PACRG: variants seen among roughly 807,000 people sequenced by gnomAD.
PACRG encodes the protein parkin coregulated.
Under a neutral mutation model 29.7 loss-of-function variants are expected in PACRG, and 29 were observed. The ratio of observed to expected loss-of-function variants is 0.98; its 90% CI spans 0.73 to 1.33. PACRG has a LOEUF of 1.33. PACRG is among the 40% of genes most tolerant of loss of function. PACRG has a pLI of 0.00. For synonymous variants in PACRG, 116 were observed against 118.7 expected, an observed-to-expected ratio of 0.98 and a Z score of 0.15; for missense variants, 279 against 316.2, an observed-to-expected ratio of 0.88 and a Z score of 0.89.
At chr6:163,115,400 A>G (rs147350598) in intron 4 of PACRG, among the ~76,000 whole-genome samples, 5 of 152,260 alleles carry the variant, frequency 3.3e-5, no homozygotes, top group Admixed American at 6.5e-5. Context: ...AAAGCTTGAT[A>G]TGCTGTGTGG....
chr6:163,016,524 T>C (rs1485139409), intron 2 of PACRG, among the ~76,000 whole-genome samples: 1 of 152,162 alleles, frequency 6.6e-6, no homozygotes, highest in Non-Finnish European at 1.5e-5. Context: ...GAACTGCAAG[T>C]ATTTTTGTAA....
At chr6:163,299,395 A>C (rs1585410967) in intron 4 of PACRG, among the ~76,000 whole-genome samples, 1 of 152,316 alleles carries the variant, frequency 6.6e-6, no homozygotes, top group Non-Finnish European at 1.5e-5. Flanking sequence ...TAGACGTGTC[A>C]GGAACCATCA....
chr6:162,793,861 G>T (rs1317541594), intron 1 of PACRG, among the ~76,000 whole-genome samples: 1 of 152,130 alleles, frequency 6.6e-6, no homozygotes, highest in Non-Finnish European at 1.5e-5. Context: ...TCTGAGGAGG[G>T]AAAGGATCAG....
rs572385015 is a variant in PACRG at position 162,804,713 on chromosome 6, C to T, written c.157-9434C>T. ...TGTTAGACCTTGACTGAAAACCCTTCGGGAAGTTGATGGCTCAAATCACTT... is the reference window on the plus strand; with the variant it reads ...TGTTAGACCTTGACTGAAAACCCTTTGGGAAGTTGATGGCTCAAATCACTT... On this transcript the variant is annotated intron_variant, in intron 1 of 4. Coordinates refer to ENST00000366888, the MANE Select transcript of PACRG (RefSeq NM_001080379.2). Among the ~76,000 whole-genome samples the T allele has an allele frequency of 9.9e-5, 15 of 152,190 alleles. No individual in the cohort carries two copies. The East Asian group carries it at 2.3e-3, about 24-fold the overall frequency.
At chr6:163,192,653 CT>C (rs60416074) in intron 4 of PACRG, among the ~76,000 whole-genome samples, 47,532 of 152,036 alleles carry the variant, frequency 0.31, 7,813 homozygotes, top group East Asian at 0.58. Context: ...ATTTTAAATA[CT>C]TTTTTTTATC....
intron 2 of PACRG, among the ~76,000 whole-genome samples, chr6:163,003,189 T>C (rs1804741297): frequency 6.6e-6 from 1 of 152,216 alleles, no homozygotes; most frequent in Non-Finnish European, 1.5e-5. Context: ...AGGTGAATAC[T>C]TCTATGGCCC....
At chr6:162,756,436 A>G (rs1050660514) in intron 1 of PACRG, among the ~76,000 whole-genome samples, 1 of 152,012 alleles carries the variant, frequency 6.6e-6, no homozygotes, top group Non-Finnish European at 1.5e-5. Flanking sequence ...CTTAACGTCT[A>G]CTTTGTGTGT....
chr6:163,163,501 ACCTCAGGTGACGCG>A lies in PACRG; in HGVS notation c.613+74097_613+74110del, dbSNP rs368415597. ...TGGCCAGGCTGGTCTCAAACTCCGGACCTCAGGTGACGCGCCTGCCTCGGCCTCACAAAGTGCTG... is the reference window on the plus strand; with the variant it reads ...TGGCCAGGCTGGTCTCAAACTCCGGACCTGCCTCGGCCTCACAAAGTGCTG... On this transcript the variant is annotated intron_variant, in intron 4 of 4. Coordinates refer to ENST00000366888, the MANE Select transcript of PACRG (RefSeq NM_001080379.2). 4.2e-3 allele frequency among the ~76,000 whole-genome samples: 633 copies of A among 152,174 alleles called. 12 individuals carry two copies. Among genetic ancestry groups the A allele is most frequent in the East Asian group, 0.04 (206 of 5,162 alleles).
intron 1 of PACRG, among the ~76,000 whole-genome samples, chr6:162,782,107 C>T (rs183537752): frequency 5.9e-5 from 9 of 151,728 alleles, no homozygotes; most frequent in Non-Finnish European, 8.9e-5. Flanking sequence ...AAGACAACTG[C>T]GATAGCTAAT....
intron 4 of PACRG, among the ~76,000 whole-genome samples, chr6:163,298,342 C>A (rs1411568870): frequency 2.0e-5 from 3 of 151,860 alleles, no homozygotes; most frequent in African/African-American, 7.3e-5. Context: ...CTAAAGCAAC[C>A]TTAGAGTAGC....
chr6:162,888,914 A>G (rs571753521), intron 2 of PACRG, among the ~76,000 whole-genome samples: 7 of 152,326 alleles, frequency 4.6e-5, no homozygotes, highest in Admixed American at 4.6e-4. Context: ...ATTCACAAGG[A>G]AAGAGAGCAT....
At chr6:162,921,418 C>T (rs1797055174) in intron 2 of PACRG, among the ~76,000 whole-genome samples, 1 of 152,164 alleles carries the variant, frequency 6.6e-6, no homozygotes, top group South Asian at 2.1e-4. Flanking sequence ...TTGGTTTCCT[C>T]CGGAGGCTGT....
At chr6:163,281,618 C>G (rs961309891) in intron 4 of PACRG, among the ~76,000 whole-genome samples, 4 of 151,990 alleles carry the variant, frequency 2.6e-5, no homozygotes, top group African/African-American at 7.2e-5. Context: ...AAATCTATAG[C>G]AAGATCTCTA....
At chr6:163,191,409 T>C (rs1585317873) in intron 4 of PACRG, among the ~76,000 whole-genome samples, 1 of 152,160 alleles carries the variant, frequency 6.6e-6, no homozygotes, top group Non-Finnish European at 1.5e-5. Context: ...TTATGGCGAG[T>C]GGCCCCCCAA....
At chr6:163,031,629 A>G (rs1807672884) in intron 2 of PACRG, among the ~76,000 whole-genome samples, 1 of 152,232 alleles carries the variant, frequency 6.6e-6, no homozygotes, top group Non-Finnish European at 1.5e-5. Context: ...AAAGTACAAC[A>G]AGGAAAATTA....
chr6:163,140,943 G>A (rs890210993), intron 4 of PACRG, among the ~76,000 whole-genome samples: 5 of 152,172 alleles, frequency 3.3e-5, no homozygotes, highest in Non-Finnish European at 5.9e-5. Flanking sequence ...TGGGAGAGAC[G>A]AATGAGCTGA....
chr6:162,830,816 C>G (rs1788702441), intron 2 of PACRG, among the ~76,000 whole-genome samples: 1 of 152,206 alleles, frequency 6.6e-6, no homozygotes, highest in Non-Finnish European at 1.5e-5. Context: ...GGAGAGAGGA[C>G]TGAGACATCC....
chr6:162,878,051 G>A (rs1279598845), intron 2 of PACRG, among the ~76,000 whole-genome samples: 1 of 152,146 alleles, frequency 6.6e-6, no homozygotes, highest in African/African-American at 2.4e-5. Context: ...GAATATACCT[G>A]TGAATTATAA....
intron 4 of PACRG, among the ~76,000 whole-genome samples, chr6:163,261,296 C>A (rs1783315180): frequency 6.6e-6 from 1 of 152,060 alleles, no homozygotes; most frequent in South Asian, 2.1e-4. Context: ...GCAGACAGTG[C>A]AGGTTTGTTA....
Sources: gnomAD v4.1 joint callset for allele counts (sites outside exome capture counted in the v4.1 genomes callset) on GRCh38, gnomAD v4.1.1 for gene constraint, MANE v1.5 for transcripts, NCBI Gene and HGNC (gene_info 2026-07-23, HGNC 2026-07-21) for gene names.